GALNT1: variants seen among roughly 807,000 people sequenced by gnomAD.
GALNT1 encodes the protein GalNAc transferase 1.
GALNT1 carries 17 observed loss-of-function variants against 65.7 expected under a neutral mutation model. The ratio of observed to expected loss-of-function variants is 0.26; its 90% CI spans 0.18 to 0.39. The LOEUF (loss-of-function observed/expected upper bound fraction) is 0.39. Among genes scored for constraint, GALNT1 ranks in the 10% least tolerant of loss-of-function variants. The pLI is 1.00. For missense variants in GALNT1, 460 were observed against 672.8 expected, an observed-to-expected ratio of 0.68 and a Z score of 3.50; for synonymous variants, 210 against 219.7, an observed-to-expected ratio of 0.96 and a Z score of 0.39.
At chr18:35,651,297 A>G (rs1440551560) in intron 1 of GALNT1, among the ~76,000 whole-genome samples, 1 of 152,152 alleles carries the variant, frequency 6.6e-6, no homozygotes, top group Non-Finnish European at 1.5e-5. Flanking sequence ...TGACTCAACA[A>G]TGCATTCATA....
chr18:35,610,414 C>G (rs74926254), intron 1 of GALNT1, among the ~76,000 whole-genome samples: 1 of 152,326 alleles, frequency 6.6e-6, no homozygotes, highest in Non-Finnish European at 1.5e-5. Context: ...CTGGCTGTCA[C>G]TTTTTGTTTA....
intron 1 of GALNT1, among the ~76,000 whole-genome samples, chr18:35,606,243 C>A (rs928022884): frequency 1.3e-5 from 2 of 152,198 alleles, no homozygotes; most frequent in African/African-American, 4.8e-5. Context: ...CATTTCTGCT[C>A]ACACTTGGCC....
At chr18:35,684,552 A>G (rs960594463) in intron 5 of GALNT1, among the ~76,000 whole-genome samples, 1 of 152,206 alleles carries the variant, frequency 6.6e-6, no homozygotes, top group Non-Finnish European at 1.5e-5. Flanking sequence ...AGAGAAAGCA[A>G]GGTGAGGTGA....
intron 1 of GALNT1, among the ~76,000 whole-genome samples, chr18:35,627,963 G>A (rs1050947567): frequency 1.5e-5 from 1 of 68,730 alleles, no homozygotes; most frequent in Non-Finnish European, 4.4e-5. Context: ...ACGGAGCCTC[G>A]CTCATTGCTA....
chr18:35,616,074 A>G (rs552358656), intron 1 of GALNT1, among the ~76,000 whole-genome samples: 66 of 152,318 alleles, frequency 4.3e-4, no homozygotes, highest in African/African-American at 1.4e-3. Flanking sequence ...CCCTTGCTCT[A>G]TGACACCAAA....
At chr18:35,674,835 T>TA (rs998274460) in intron 3 of GALNT1, among the ~76,000 whole-genome samples, 4 of 151,592 alleles carry the variant, frequency 2.6e-5, no homozygotes, top group African/African-American at 9.7e-5. Context: ...TACAAAAAAT[T>TA]AGTCGGGCGT....
chr18:35,677,517 C>A, intron 3 of GALNT1, 74 bp from the exon 4 acceptor site: 1 of 1,198,326 alleles, frequency 8.3e-7, no homozygotes, highest in Non-Finnish European at 1.2e-6. Context: ...TGTTCTATCA[C>A]CCTTCTAGTC....
At chr18:35,690,219 T>C (rs58747394) in intron 7 of GALNT1, among the ~76,000 whole-genome samples, 14,436 of 152,240 alleles carry the variant, frequency 0.095, 820 homozygotes, top group African/African-American at 0.16. Flanking sequence ...GCCCCTTTTT[T>C]TGTTTTTATT....
chr18:35,703,374 T>C (rs2048199609), intron 10 of GALNT1, 135 bp from the exon 11 acceptor site: 1 of 840,346 alleles, frequency 1.2e-6, no homozygotes, highest in African/African-American at 1.7e-5. Flanking sequence ...TGAGTCACTT[T>C]ATTCTTCATT....
intron 1 of GALNT1, among the ~76,000 whole-genome samples, chr18:35,585,453 T>G (rs2046368849): frequency 6.6e-6 from 1 of 152,218 alleles, no homozygotes; most frequent in Non-Finnish European, 1.5e-5. Context: ...CAGTTTACAT[T>G]TATATCTGTG....
At chr18:35,682,548 T>C (rs184202887) in intron 4 of GALNT1, among the ~76,000 whole-genome samples, 56 of 152,322 alleles carry the variant, frequency 3.7e-4, no homozygotes, top group Admixed American at 7.2e-4. Flanking sequence ...GCATAAATTC[T>C]GTAAACCAAC....
chr18:35,598,482 T>C (rs922905236), intron 1 of GALNT1, among the ~76,000 whole-genome samples: 3 of 152,016 alleles, frequency 2.0e-5, no homozygotes, highest in Non-Finnish European at 4.4e-5. Context: ...GAACACGAGG[T>C]ATTTGTCTTT....
At chr18:35,582,217 C>A (rs1180265276) in intron 1 of GALNT1, among the ~76,000 whole-genome samples, 1 of 152,130 alleles carries the variant, frequency 6.6e-6, no homozygotes, top group Non-Finnish European at 1.5e-5. Context: ...GCCAGCCTGA[C>A]CCTCGCGGCG....
intron 2 of GALNT1, among the ~76,000 whole-genome samples, chr18:35,655,643 A>G (rs1419381066): frequency 1.3e-5 from 2 of 152,014 alleles, no homozygotes; most frequent in East Asian, 1.9e-4. Context: ...GAAATTATAT[A>G]CAAATAATTA....
chr18:35,612,296 G>A (rs573864112), intron 1 of GALNT1, among the ~76,000 whole-genome samples: 55 of 152,254 alleles, frequency 3.6e-4, no homozygotes, highest in Middle Eastern at 6.8e-3. Flanking sequence ...AAGATAGAAG[G>A]AGATATAATT....
rs185445667 is a variant in GALNT1 at position 35,700,171 on chromosome 18, G to A, written c.1300-2726G>A. On this transcript the variant is annotated intron_variant, in intron 9 of 11. Transcript: ENST00000269195. ...CATGTATCACTACACAGAAAAGAAT[G>A]TTCTCTGAAAACTCTATATTCTCTA... 3.9e-5 allele frequency among the ~76,000 whole-genome samples: 6 copies of A among 152,272 alleles called. No individual in the cohort carries two copies. In the East Asian group the frequency reaches 1.2e-3, roughly 29 times the overall value.
intron 1 of GALNT1, among the ~76,000 whole-genome samples, chr18:35,635,656 A>G (rs2047079319): frequency 6.6e-6 from 1 of 152,178 alleles, no homozygotes; most frequent in African/African-American, 2.4e-5. Flanking sequence ...TACTCTTTAG[A>G]GTATGATATT....
At chr18:35,671,851 C>T (rs1192391833) in intron 3 of GALNT1, among the ~76,000 whole-genome samples, 3 of 152,150 alleles carry the variant, frequency 2.0e-5, no homozygotes, top group African/African-American at 7.2e-5. Flanking sequence ...GATGTGAGCA[C>T]TGATATTATT....
chr18:35,692,033 G>A, intron 8 of GALNT1, 148 bp from the exon 9 acceptor site: 2 of 587,650 alleles, frequency 3.4e-6, no homozygotes, highest in Non-Finnish European at 5.9e-6. Context: ...TATACTTTTG[G>A]TGGATTCATG....
Sources: gnomAD v4.1 joint callset for allele counts (sites outside exome capture counted in the v4.1 genomes callset) on GRCh38, gnomAD v4.1.1 for gene constraint, MANE v1.5 for transcripts, NCBI Gene and HGNC (gene_info 2026-07-23, HGNC 2026-07-21) for gene names.